MYO5A: variants seen among roughly 807,000 people sequenced by gnomAD.
The protein encoded by MYO5A is myosin VA.
In MYO5A, 98 loss-of-function variants were observed where a neutral mutation model predicts 249.7. That is an observed-to-expected ratio of 0.39 (90% CI 0.33 to 0.46). The LOEUF (loss-of-function observed/expected upper bound fraction) is 0.46, where lower values mean the gene tolerates loss of function less well. MYO5A is among the 20% of genes least tolerant of loss of function. The pLI is 0.98. For synonymous variants in MYO5A, 778 were observed against 810.6 expected (o/e 0.96, Z 0.68); for missense variants, 1,696 against 2,308.8 (o/e 0.73, Z 5.44).
chr15:52,352,207 C>T (rs751146423), intron 27 of MYO5A, among the ~76,000 whole-genome samples: 6 of 152,184 alleles, frequency 3.9e-5, no homozygotes, highest in Non-Finnish European at 7.3e-5. Context: ...CAGCCCCTGC[C>T]ACCAGTTAGT....
intron 1 of MYO5A, among the ~76,000 whole-genome samples, chr15:52,486,239 T>A (rs999537759): frequency 4.6e-5 from 7 of 152,208 alleles, no homozygotes; most frequent in African/African-American, 1.7e-4. Flanking sequence ...TCCTGATCCA[T>A]GTCAAAAGGA....
intron 35 of MYO5A, among the ~76,000 whole-genome samples, chr15:52,329,905 A>ATTGTTTTTTTTTTTTTTTTTTTTT (rs2038796912): frequency 8.4e-6 from 1 of 119,750 alleles, no homozygotes; most frequent in Non-Finnish European, 1.6e-5. Context: ...CGCCTGGGTA[A>ATTGTTTTTTTTTTTTTTTTTTTTT]TTTTTTTTTT....
At chr15:52,511,561 T>C (rs2141620809) in intron 1 of MYO5A, among the ~76,000 whole-genome samples, 1 of 152,338 alleles carries the variant, frequency 6.6e-6, no homozygotes. Flanking sequence ...GTGCCTTTAA[T>C]TACTCAGGGG....
At chr15:52,449,205 G>A (rs962868184) in intron 1 of MYO5A, among the ~76,000 whole-genome samples, 4 of 152,002 alleles carry the variant, frequency 2.6e-5, no homozygotes, top group African/African-American at 9.7e-5. Context: ...CTGACTTCAA[G>A]TGATCCACCC....
chr15:52,363,364 T>C (rs544126718), intron 24 of MYO5A, among the ~76,000 whole-genome samples: 1 of 152,346 alleles, frequency 6.6e-6, no homozygotes, highest in South Asian at 2.1e-4. Context: ...AGAACAGTTA[T>C]AATGGTGACT....
chr15:52,340,257 G>A lies in MYO5A; in HGVS notation c.4178C>T (p.Pro1393Leu). 1 of 1,613,978 alleles carries A rather than the reference G, an allele frequency of 6.2e-7. No homozygotes were observed. The highest frequency in any genetic ancestry group is 2.2e-5 in the East Asian group (1 of 44,874). ...QLLAQNLQLP[P>L]EARIEASLQH... ...CAGGCTGGCCTCAATGCGGGCCTCT[G>A]GGGGCAGCTGCAGGTTCTGGGCCAG... Residue 1393 changes from proline to leucine, a missense_variant, in exon 32 of 42, where the codon CCA (proline) becomes CTA (leucine). This residue lies in a region of MYO5A where 625 missense variants were observed against 908.1 expected (regional missense o/e 0.69). Transcript: ENST00000399233.
At chr15:52,497,102 C>T (rs1448048721) in intron 1 of MYO5A, among the ~76,000 whole-genome samples, 1 of 152,186 alleles carries the variant, frequency 6.6e-6, no homozygotes, top group Non-Finnish European at 1.5e-5. Context: ...GCTGGGACTA[C>T]AGGCATGCAC....
intron 1 of MYO5A, among the ~76,000 whole-genome samples, chr15:52,445,279 C>T (rs868034301): frequency 6.6e-6 from 1 of 152,258 alleles, no homozygotes; most frequent in Middle Eastern, 3.4e-3. Context: ...CTGTCTCTTG[C>T]TCCTGCTTTT....
chr15:52,427,511 G>A (rs886834140), intron 3 of MYO5A, among the ~76,000 whole-genome samples: 1 of 151,932 alleles, frequency 6.6e-6, no homozygotes, highest in African/African-American at 2.4e-5. Context: ...TAACACATGT[G>A]CAAGGAAAAA....
At chr15:52,504,449 G>A (rs768374974) in intron 1 of MYO5A, among the ~76,000 whole-genome samples, 1 of 152,134 alleles carries the variant, frequency 6.6e-6, no homozygotes, top group Non-Finnish European at 1.5e-5. Flanking sequence ...GACTAGAATT[G>A]ATCTTTCACC....
chr15:52,475,452 T>C lies in MYO5A; in HGVS notation c.28-42167A>G, dbSNP rs145113218. Among the ~76,000 whole-genome samples, 1,122 of 152,176 alleles carry C rather than the reference T, an allele frequency of 7.4e-3. 17 individuals are homozygous for C. The highest frequency in any genetic ancestry group is 0.026 in the African/African-American group (1,081 of 41,512). Reference sequence around the variant, plus strand: ...TAGCTTTTGAATGTGTTTGCTCTTGTTTCTCTAGTTCTTTTAATTGTGATG... The same window carrying C: ...TAGCTTTTGAATGTGTTTGCTCTTGCTTCTCTAGTTCTTTTAATTGTGATG... On this transcript the variant is annotated intron_variant, in intron 1 of 41. Coordinates refer to ENST00000399233, the MANE Select transcript of MYO5A (RefSeq NM_001382347.1).
intron 1 of MYO5A, among the ~76,000 whole-genome samples, chr15:52,493,932 A>G (rs2076985986): frequency 6.6e-6 from 1 of 152,202 alleles, no homozygotes; most frequent in African/African-American, 2.4e-5. Flanking sequence ...TTACGAAACC[A>G]TATTTTAGCT....
chr15:52,316,356 CA>C (rs2038016563), intron 40 of MYO5A, among the ~76,000 whole-genome samples: 1 of 151,878 alleles, frequency 6.6e-6, no homozygotes, highest in Admixed American at 6.6e-5. Context: ...CTATAATCCT[CA>C]AATGCCCTTC....
chr15:52,518,649 A>G (rs2077546846), intron 1 of MYO5A, among the ~76,000 whole-genome samples: 1 of 152,216 alleles, frequency 6.6e-6, no homozygotes, highest in Non-Finnish European at 1.5e-5. Context: ...AAGTGTTTTA[A>G]GGTGAGATCA....
Position 52,345,679 on chromosome 15 carries a change from A to G in MYO5A, c.3959+682T>C, listed in dbSNP as rs1210688751. On this transcript the variant is annotated intron_variant, in intron 30 of 41. Transcript: ENST00000399233. ...ATTTAAAAAATATTTTCCATCCTCCATTGGTTGACTCCACAGATAGGGATC... is the reference window on the plus strand; with the variant it reads ...ATTTAAAAAATATTTTCCATCCTCCGTTGGTTGACTCCACAGATAGGGATC... 2.0e-5 allele frequency among the ~76,000 whole-genome samples: 3 copies of G among 152,110 alleles called. No individual in the cohort carries two copies. The East Asian group carries it at 5.8e-4, about 29-fold the overall frequency.
chr15:52,319,955 G>C (rs984009438), intron 38 of MYO5A, among the ~76,000 whole-genome samples: 1 of 152,232 alleles, frequency 6.6e-6, no homozygotes, highest in Non-Finnish European at 1.5e-5. Flanking sequence ...TTTGAGAGTG[G>C]TAGGTAGCAG....
rs2039794239 is a variant in MYO5A, at chr15:52,348,843, A to G, written c.3850-17T>C. 6.2e-7 allele frequency: 1 copy of G among 1,604,232 alleles called. No homozygotes were observed. On this transcript the variant is annotated splice_polypyrimidine_tract_variant and intron_variant, in intron 28 of 41. Transcript: ENST00000399233. ...CTTGTCATCCTGAGAATCACAAGTC[A>G]GCAAGCACAAAAAACAGAGAAAACA...
chr15:52,399,262 T>C (rs1380967390), intron 9 of MYO5A, among the ~76,000 whole-genome samples: 1 of 152,178 alleles, frequency 6.6e-6, no homozygotes, highest in African/African-American at 2.4e-5. Context: ...TCATTAAGTA[T>C]ATAGAAGTTT....
intron 1 of MYO5A, among the ~76,000 whole-genome samples, chr15:52,443,255 G>C (rs999905265): frequency 6.6e-6 from 1 of 152,086 alleles, no homozygotes; most frequent in Non-Finnish European, 1.5e-5. Context: ...GAGAATGAAG[G>C]CTCTACCAAA....
Sources: gnomAD v4.1 joint callset for allele counts (sites outside exome capture counted in the v4.1 genomes callset) on GRCh38, gnomAD v4.1.1 for gene constraint, gnomAD v4.1.1 regional missense constraint, MANE v1.5 for transcripts, NCBI Gene and HGNC (gene_info 2026-07-23, HGNC 2026-07-21) for gene names.